METTL16: variants seen among roughly 807,000 people sequenced by gnomAD.
METTL16 encodes the protein methyltransferase 16, RNA N6-adenosine.
In METTL16, 19 loss-of-function variants were observed where a neutral mutation model predicts 57.9. That is an observed-to-expected ratio of 0.33 (90% CI 0.23 to 0.48). The LOEUF (loss-of-function observed/expected upper bound fraction) is 0.48. METTL16 is among the 20% of genes least tolerant of loss of function. The probability of loss-of-function intolerance (pLI) is 0.99; values close to 1 mark genes in which losing one functional copy is unlikely to be tolerated. For synonymous variants in METTL16, 246 were observed against 255.6 expected, an observed-to-expected ratio of 0.96 and a Z score of 0.36; for missense variants, 434 against 691.5, an observed-to-expected ratio of 0.63 and a Z score of 4.18.
chr17:2,472,009 G>C (rs563274605), intron 4 of METTL16, among the ~76,000 whole-genome samples: 1 of 151,822 alleles, frequency 6.6e-6, no homozygotes, highest in African/African-American at 2.4e-5. Flanking sequence ...AGCTACTTAG[G>C]AGGCTGAAGC....
chr17:2,465,389 T>A (rs1321443226), intron 5 of METTL16, among the ~76,000 whole-genome samples: 1 of 149,318 alleles, frequency 6.7e-6, no homozygotes, highest in African/African-American at 2.5e-5. Context: ...TAAAAAAAAA[T>A]ACAAAAAATT....
chr17:2,463,349 TATGTA>T (rs1341133960), intron 6 of METTL16, among the ~76,000 whole-genome samples: 3 of 152,248 alleles, frequency 2.0e-5, no homozygotes, highest in Non-Finnish European at 4.4e-5. Flanking sequence ...CTTTCCTGTC[TATGTA>T]ATATACATGA....
At chr17:2,457,473 G>A (rs1002627708) in intron 6 of METTL16, among the ~76,000 whole-genome samples, 6 of 151,828 alleles carry the variant, frequency 4.0e-5, no homozygotes, top group African/African-American at 1.2e-4. Flanking sequence ...TTAGGAGGCC[G>A]AGGCAGGCGG....
chr17:2,476,531 CAA>C (rs779130437), intron 3 of METTL16, among the ~76,000 whole-genome samples: 1 of 151,728 alleles, frequency 6.6e-6, no homozygotes, highest in Non-Finnish European at 1.5e-5. Context: ...GGAGAGTGAA[CAA>C]AAGAGAAAGG....
intron 8 of METTL16, among the ~76,000 whole-genome samples, chr17:2,436,019 G>A (rs2066906399): frequency 6.6e-6 from 1 of 152,162 alleles, no homozygotes; most frequent in Non-Finnish European, 1.5e-5. Context: ...CGGAGCTGGT[G>A]TGGAGTGCCA....
chr17:2,489,802 A>G (rs541837137), intron 2 of METTL16, among the ~76,000 whole-genome samples: 40 of 151,944 alleles, frequency 2.6e-4, no homozygotes, highest in African/African-American at 9.4e-4. Context: ...AATTCAGTGA[A>G]GCTTAAAAAG....
rs1567877898 is a variant in METTL16, at chr17:2,420,032, G to A, written c.1627C>T (p.Leu543=). The change falls in exon 10 of 10, where the codon CTG becomes TTG. Residue 543 remains leucine, a synonymous_variant. Transcript: ENST00000263092. This position sits in a 1 kb window ranked among gnomAD's most constrained non-coding sequence, Gnocchi z 5.4. ...MHWVEGQNRD[L]MNQLCTYIRN... is the part of the protein sequence containing the mutation. ...ATGTAGGTGCAAAGCTGGTTCATCA[G>A]ATCCCTGTTCTGGCCCTCAACCCAG... is the stretch of plus-strand genomic sequence containing the variant. 4 of 1,614,140 alleles carry A rather than the reference G, an allele frequency of 2.5e-6. No individual in the cohort carries two copies. The highest frequency in any genetic ancestry group is 3.4e-6 in the Non-Finnish European group (4 of 1,180,032).
chr17:2,485,719 C>G, intron 2 of METTL16, among the ~76,000 whole-genome samples: 1 of 152,262 alleles, frequency 6.6e-6, no homozygotes, highest in East Asian at 1.9e-4. Context: ...CCAGGTATTA[C>G]GCAAAATGCT....
intron 5 of METTL16, among the ~76,000 whole-genome samples, chr17:2,466,532 T>G (rs1308990858): frequency 1.3e-5 from 2 of 152,186 alleles, no homozygotes; most frequent in Non-Finnish European, 2.9e-5. Flanking sequence ...TGAACTTTCT[T>G]TGTCGTTAAG....
At chr17:2,438,759 G>A (rs2066926606) in intron 7 of METTL16, among the ~76,000 whole-genome samples, 1 of 152,210 alleles carries the variant, frequency 6.6e-6, no homozygotes, top group African/African-American at 2.4e-5. Flanking sequence ...CTCCCAAAGT[G>A]CTGAGATTAC....
rs983213000 is a variant in METTL16, at chr17:2,420,938, A to C, written c.889-34T>G. The C allele has an allele frequency of 6.3e-7, 1 of 1,598,506 alleles. No individual in the cohort carries two copies. The highest frequency in any genetic ancestry group is 1.4e-5 in the African/African-American group (1 of 73,860). ...AAAAGGAAGCATAGAAAAGAGAAGAAAGTTATCCGAATAATTAAACCTCAT... is the reference window on the plus strand; with the variant it reads ...AAAAGGAAGCATAGAAAAGAGAAGACAGTTATCCGAATAATTAAACCTCAT... On this transcript the variant is annotated intron_variant, in intron 8 of 9. Coordinates refer to ENST00000263092, the MANE Select transcript of METTL16 (RefSeq NM_024086.4). This position sits in a 1 kb window ranked among gnomAD's most constrained non-coding sequence, Gnocchi z 5.4.
rs1435946666 is a variant in METTL16 at position 2,419,399 on chromosome 17, T to C, written c.*571A>G. 1 of 272,790 alleles carries C rather than the reference T, an allele frequency of 3.7e-6. No individual in the cohort carries two copies. Among genetic ancestry groups the C allele is most frequent in the African/African-American group, 2.2e-5 (1 of 44,650 alleles). 16.9% of individuals were successfully genotyped at this position (272,790 alleles called of 1,614,324 possible). A position where few individuals can be genotyped will look rare whatever the true frequency, so the allele number is the denominator to read the frequency against. ...TGTCAGGAATGTGCCATTTACCGGG[T>C]GGTCCCCAGACTCTGCTGCTCCTTC... On this transcript the variant is annotated 3_prime_UTR_variant, in exon 10 of 10. Transcript: ENST00000263092.
intron 8 of METTL16, among the ~76,000 whole-genome samples, chr17:2,423,646 C>A (rs2066785810): frequency 6.6e-6 from 1 of 152,070 alleles, no homozygotes; most frequent in South Asian, 2.1e-4. Flanking sequence ...GCCCTCCCTG[C>A]CAGCCCGCCC....
At chr17:2,449,214 A>G (rs1350110538) in intron 6 of METTL16, among the ~76,000 whole-genome samples, 1 of 152,218 alleles carries the variant, frequency 6.6e-6, no homozygotes, top group Non-Finnish European at 1.5e-5. Flanking sequence ...ATAAATGAAC[A>G]GCTAAACCAG....
intron 8 of METTL16, among the ~76,000 whole-genome samples, chr17:2,421,571 C>T (rs2066766214): frequency 6.6e-6 from 1 of 152,190 alleles, no homozygotes; most frequent in Admixed American, 6.5e-5. Context: ...GCTAAACGTC[C>T]TTCGTGTACC....
At chr17:2,493,694 G>A (rs1274655323) in intron 2 of METTL16, among the ~76,000 whole-genome samples, 1 of 149,642 alleles carries the variant, frequency 6.7e-6, no homozygotes. Context: ...ACTCCAGTCT[G>A]GGTGACGCTG....
At chr17:2,496,270 G>GA (rs1380771705) in intron 2 of METTL16, among the ~76,000 whole-genome samples, 1 of 151,598 alleles carries the variant, frequency 6.6e-6, no homozygotes, top group Non-Finnish European at 1.5e-5. Flanking sequence ...TACTTAGTTA[G>GA]AAATATTTAA....
intron 8 of METTL16, among the ~76,000 whole-genome samples, chr17:2,429,109 C>T (rs182385941): frequency 3.9e-5 from 6 of 152,038 alleles, no homozygotes; most frequent in African/African-American, 9.6e-5. Flanking sequence ...CCACCCGCTT[C>T]GGCCTCCCAA....
chr17:2,452,967 C>T (rs2151557688), intron 6 of METTL16, among the ~76,000 whole-genome samples: 1 of 152,212 alleles, frequency 6.6e-6, no homozygotes, highest in East Asian at 1.9e-4. Flanking sequence ...TCAGGCGATT[C>T]TCCTGACTCA....
Sources: allele counts gnomAD v4.1 joint callset (sites outside exome capture counted in the v4.1 genomes callset), GRCh38; gene constraint gnomAD v4.1.1; non-coding constraint Gnocchi (gnomAD v3.1); transcripts MANE v1.5; gene names NCBI Gene and HGNC (gene_info 2026-07-23, HGNC 2026-07-21).